SLC24A2: variants seen among roughly 807,000 people sequenced by gnomAD.
SLC24A2 encodes sodium/potassium/calcium exchanger 2.
Under a neutral mutation model 62.0 loss-of-function variants are expected in SLC24A2, and 36 were observed. That is an observed-to-expected ratio of 0.58 (90% CI 0.44 to 0.77). The LOEUF (loss-of-function observed/expected upper bound fraction) is 0.77, where lower values mean the gene tolerates loss of function less well. SLC24A2 is among the 30% of genes least tolerant of loss of function. The pLI is 0.00. For missense variants in SLC24A2, 846 were observed against 817.9 expected, an observed-to-expected ratio of 1.03 and a Z score of -0.42; for synonymous variants, 358 against 294.0, an observed-to-expected ratio of 1.22 and a Z score of -2.23.
chr9:20,251,443 C>G, the SLC24A2 span, among the ~76,000 whole-genome samples: 41 of 152,300 alleles, frequency 2.7e-4, no homozygotes, highest in African/African-American at 7.2e-4. Context: ...ATAGTCATAA[C>G]TTTCTCTAAG....
At chr9:19,726,211 T>G (rs910740906) in intron 2 of SLC24A2, among the ~76,000 whole-genome samples, 5 of 152,244 alleles carry the variant, frequency 3.3e-5, no homozygotes, top group African/African-American at 7.2e-5. Flanking sequence ...CACAGAACAT[T>G]GCGTAGGATT....
At chr9:19,817,202 A>T in the SLC24A2 span, among the ~76,000 whole-genome samples, 1 of 152,058 alleles carries the variant, frequency 6.6e-6, no homozygotes. Flanking sequence ...TCTCTGCTTC[A>T]GTCTGCCAGC....
chr9:20,240,942 G>A, the SLC24A2 span, among the ~76,000 whole-genome samples: 1 of 152,338 alleles, frequency 6.6e-6, no homozygotes, highest in Admixed American at 6.5e-5. Flanking sequence ...ACCACACGCA[G>A]ATGAATTGAG....
chr9:20,258,028 A>C, the SLC24A2 span, among the ~76,000 whole-genome samples: 1 of 151,950 alleles, frequency 6.6e-6, no homozygotes, highest in Admixed American at 6.5e-5. Flanking sequence ...TTACCTTAAA[A>C]CCTTTTTGCA....
chr9:19,761,944 G>A (rs1006187500), intron 2 of SLC24A2, among the ~76,000 whole-genome samples: 11 of 152,064 alleles, frequency 7.2e-5, no homozygotes, highest in East Asian at 1.9e-4. Context: ...ATAAACATAC[G>A]TGTGCATGTG....
At chr9:20,305,198 C>T in the SLC24A2 span, among the ~76,000 whole-genome samples, 1 of 150,494 alleles carries the variant, frequency 6.6e-6, no homozygotes, top group African/African-American at 2.5e-5. Context: ...ATCTCTGCCT[C>T]GCAGGTTCAA....
chr9:19,525,633 G>C (rs1455300447), intron 9 of SLC24A2, among the ~76,000 whole-genome samples: 4 of 151,382 alleles, frequency 2.6e-5, no homozygotes, highest in Non-Finnish European at 4.4e-5. Flanking sequence ...CGAACTCCTG[G>C]GGTCAAGGGA....
chr9:19,909,824 T>C, the SLC24A2 span, among the ~76,000 whole-genome samples: 1 of 152,104 alleles, frequency 6.6e-6, no homozygotes, highest in African/African-American at 2.4e-5. Context: ...GCCAGAGTGG[T>C]GTATATTGGG....
chr9:20,231,850 A>G, the SLC24A2 span, among the ~76,000 whole-genome samples: 12 of 152,150 alleles, frequency 7.9e-5, no homozygotes, highest in East Asian at 1.9e-3. Context: ...TTGCCCATTC[A>G]GTATGATATT....
chr9:20,027,404 G>A, the SLC24A2 span, among the ~76,000 whole-genome samples: 1 of 152,216 alleles, frequency 6.6e-6, no homozygotes, highest in South Asian at 2.1e-4. Flanking sequence ...CAATCTTAGT[G>A]TCAATCAACA....
chr9:19,979,052 G>A, the SLC24A2 span, among the ~76,000 whole-genome samples: 5 of 152,166 alleles, frequency 3.3e-5, no homozygotes, highest in African/African-American at 1.2e-4. Context: ...TTGTCTACAG[G>A]TAGGTGTGTG....
At chr9:19,639,212 G>A (rs1284544059) in intron 2 of SLC24A2, among the ~76,000 whole-genome samples, 1 of 152,146 alleles carries the variant, frequency 6.6e-6, no homozygotes, top group East Asian at 1.9e-4. Context: ...ATAGGTAATT[G>A]AGTGGATTTT....
the SLC24A2 span, among the ~76,000 whole-genome samples, chr9:19,879,849 A>G: frequency 6.6e-6 from 1 of 152,184 alleles, no homozygotes; most frequent in Admixed American, 6.5e-5. Flanking sequence ...TAAAATTAGC[A>G]AGTAAATAAT....
At chr9:19,726,967 A>G (rs1185665410) in intron 2 of SLC24A2, among the ~76,000 whole-genome samples, 1 of 152,204 alleles carries the variant, frequency 6.6e-6, no homozygotes, top group Non-Finnish European at 1.5e-5. Context: ...ATGTTAGATC[A>G]TCATACTGTC....
At chr9:20,050,830 T>A in the SLC24A2 span, among the ~76,000 whole-genome samples, 1 of 152,144 alleles carries the variant, frequency 6.6e-6, no homozygotes, top group African/African-American at 2.4e-5. Context: ...TGGTTTGTGT[T>A]TTACTGCCTG....
chr9:20,041,346 G>C, the SLC24A2 span, among the ~76,000 whole-genome samples: 1 of 152,212 alleles, frequency 6.6e-6, no homozygotes, highest in African/African-American at 2.4e-5. Flanking sequence ...AGAAGAAAAG[G>C]CTACAGCATA....
intron 2 of SLC24A2, among the ~76,000 whole-genome samples, chr9:19,759,729 G>A (rs1047582281): frequency 1.3e-5 from 2 of 152,156 alleles, no homozygotes; most frequent in Non-Finnish European, 2.9e-5. Flanking sequence ...AGGGATTCAT[G>A]TGTGAATAAA....
the SLC24A2 span, among the ~76,000 whole-genome samples, chr9:19,962,796 G>C: frequency 6.6e-6 from 1 of 152,142 alleles, no homozygotes; most frequent in Non-Finnish European, 1.5e-5. Context: ...CAATCATGTT[G>C]TCTGCAAACA....
Position 19,754,232 on chromosome 9 carries a change from C to G in SLC24A2, c.930+31705G>C, listed in dbSNP as rs531957206. On this transcript the variant is annotated intron_variant, in intron 2 of 10. Coordinates refer to ENST00000341998, the MANE Select transcript of SLC24A2 (RefSeq NM_020344.4). ...GCCTGCAGCCACAGGCCCTGCCCCACTCATTGCCTCCCCAGGACTACAGTC... is the reference window on the plus strand; with the variant it reads ...GCCTGCAGCCACAGGCCCTGCCCCAGTCATTGCCTCCCCAGGACTACAGTC... Among the ~76,000 whole-genome samples the G allele has an allele frequency of 3.9e-5, 6 of 152,256 alleles. 1 individual carries two copies. The highest frequency in any genetic ancestry group is 1.4e-4 in the African/African-American group (6 of 41,562).
Sources: gnomAD v4.1 joint callset for allele counts (sites outside exome capture counted in the v4.1 genomes callset) on GRCh38, gnomAD v4.1.1 for gene constraint, MANE v1.5 for transcripts, NCBI Gene and HGNC (gene_info 2026-07-23, HGNC 2026-07-21) for gene names.